The following NDST3 variants were observed in gnomAD, a reference collection of about 807,000 sequenced individuals.
The protein encoded by NDST3 is N-deacetylase and N-sulfotransferase 3.
A neutral mutation model predicts 96.1 loss-of-function variants in NDST3; 58 were observed. The ratio of observed to expected loss-of-function variants is 0.60; its 90% CI spans 0.49 to 0.75. The LOEUF is 0.75. NDST3 is among the 30% of genes least tolerant of loss of function. NDST3 has a pLI of 0.00. For synonymous variants in NDST3, 333 were observed against 359.7 expected, an observed-to-expected ratio of 0.93 and a Z score of 0.84; for missense variants, 788 against 1,034.2, an observed-to-expected ratio of 0.76 and a Z score of 3.27.
chr4:118,041,599 T>G (rs769572090), intron 1 of NDST3, among the ~76,000 whole-genome samples: 10 of 152,240 alleles, frequency 6.6e-5, no homozygotes, highest in Non-Finnish European at 1.3e-4. Flanking sequence ...CTGTCAGTTC[T>G]GTACTGCTGA....
chr4:118,145,736 G>A (rs1284793304), intron 6 of NDST3, among the ~76,000 whole-genome samples: 1 of 152,138 alleles, frequency 6.6e-6, no homozygotes, highest in Non-Finnish European at 1.5e-5. Flanking sequence ...CAGGTTGGGG[G>A]AGCCGCACAA....
chr4:118,101,806 T>C (rs1352597824), intron 2 of NDST3, among the ~76,000 whole-genome samples: 1 of 152,104 alleles, frequency 6.6e-6, no homozygotes, highest in African/African-American at 2.4e-5. Flanking sequence ...AGAGCAGTAT[T>C]TATATTAGTC....
chr4:118,179,872 A>T (rs1196973447), intron 6 of NDST3, among the ~76,000 whole-genome samples: 1 of 152,218 alleles, frequency 6.6e-6, no homozygotes, highest in Non-Finnish European at 1.5e-5. Context: ...TAATCAAAGT[A>T]CTAAATGTAA....
chr4:118,239,822 T>A (rs1740898975), intron 10 of NDST3, among the ~76,000 whole-genome samples: 1 of 152,170 alleles, frequency 6.6e-6, no homozygotes. Context: ...CCACTAAGCC[T>A]GAATATTTAT....
At chr4:118,238,386 T>C (rs1740820595) in intron 10 of NDST3, among the ~76,000 whole-genome samples, 1 of 152,146 alleles carries the variant, frequency 6.6e-6, no homozygotes, top group Non-Finnish European at 1.5e-5. Flanking sequence ...TAATAATATA[T>C]ATGTCAAATA....
intron 6 of NDST3, among the ~76,000 whole-genome samples, chr4:118,162,321 G>A (rs1010208195): frequency 6.6e-6 from 1 of 152,144 alleles, no homozygotes; most frequent in African/African-American, 2.4e-5. Context: ...AACAAAGCTG[G>A]AGGCATCACG....
In NDST3 at chr4:118,053,822, C is replaced by CAG. The variant is rs1287798012; in HGVS notation, c.-85_-84dup. 7.1e-7 allele frequency: 1 copy of CAG among 1,413,494 alleles called. No homozygotes were observed. The highest frequency in any genetic ancestry group is 2.3e-5 in the Admixed American group (1 of 43,780). The allele number at this position is 1,413,494 out of a possible 1,614,324, so 87.6% of individuals were successfully genotyped here. A position where few individuals can be genotyped will look rare whatever the true frequency, so the allele number is the denominator to read the frequency against. On this transcript the variant is annotated 5_prime_UTR_variant, in exon 2 of 14. Coordinates refer to ENST00000296499, the MANE Select transcript of NDST3 (RefSeq NM_004784.3). ...CTGCAATGGTGACATAAACTCTTGA[C>CAG]AGAGATTGGAAAAGTAGCTGGAACA...
At chr4:118,184,400 G>A (rs1288499084) in intron 6 of NDST3, among the ~76,000 whole-genome samples, 1 of 151,972 alleles carries the variant, frequency 6.6e-6, no homozygotes, top group East Asian at 1.9e-4. Context: ...AGCCTTAATA[G>A]AAAAAGACTG....
At chr4:118,210,774 CAAAAA>C (rs34418586) in intron 6 of NDST3, among the ~76,000 whole-genome samples, 1 of 86,594 alleles carries the variant, frequency 1.2e-5, no homozygotes, top group African/African-American at 4.8e-5. Context: ...GACTCCATCT[CAAAAA>C]AAAAAAAAAA....
intron 5 of NDST3, among the ~76,000 whole-genome samples, chr4:118,143,118 C>T (rs1008828931): frequency 4.6e-5 from 7 of 152,110 alleles, no homozygotes; most frequent in African/African-American, 1.4e-4. Context: ...TGATAACTGA[C>T]TTCATTTTCT....
upstream of NDST3, among the ~76,000 whole-genome samples, chr4:118,033,405 G>T (rs1032626764): frequency 6.6e-6 from 1 of 152,088 alleles, no homozygotes; most frequent in African/African-American, 2.4e-5. Flanking sequence ...CCGCCAACCC[G>T]CCGGGAGGGG....
chr4:118,094,294 A>G (rs1729119636), intron 2 of NDST3, among the ~76,000 whole-genome samples: 1 of 151,828 alleles, frequency 6.6e-6, no homozygotes, highest in Non-Finnish European at 1.5e-5. Flanking sequence ...CTTTCCCCCA[A>G]CTTGCATCCA....
intron 3 of NDST3, among the ~76,000 whole-genome samples, chr4:118,109,792 T>A (rs1386550734): frequency 1.3e-5 from 2 of 152,206 alleles, no homozygotes; most frequent in African/African-American, 2.4e-5. Flanking sequence ...TATAAAAAAA[T>A]TCTATCCATT....
At chr4:118,121,396 T>C (rs1200255523) in intron 4 of NDST3, among the ~76,000 whole-genome samples, 1 of 152,202 alleles carries the variant, frequency 6.6e-6, no homozygotes, top group Non-Finnish European at 1.5e-5. Flanking sequence ...TTATATATTT[T>C]AAGTATCTTG....
chr4:118,104,180 C>T (rs1185316727), intron 2 of NDST3, among the ~76,000 whole-genome samples: 2 of 152,170 alleles, frequency 1.3e-5, no homozygotes, highest in African/African-American at 2.4e-5. Context: ...GATCTATATC[C>T]GTAAGCTAGG....
chr4:118,171,042 G>A (rs752028168), intron 6 of NDST3, among the ~76,000 whole-genome samples: 77 of 152,270 alleles, frequency 5.1e-4, no homozygotes, highest in Admixed American at 1.5e-3. Context: ...AAACCCCCAT[G>A]AGTGTGCTTG....
intron 1 of NDST3, among the ~76,000 whole-genome samples, chr4:118,041,536 C>G (rs1017348298): frequency 2.0e-5 from 3 of 152,170 alleles, no homozygotes; most frequent in African/African-American, 7.2e-5. Context: ...GTTTCCTGAT[C>G]AGTCAGCATA....
intron 5 of NDST3, among the ~76,000 whole-genome samples, chr4:118,139,548 A>G (rs1424767817): frequency 6.6e-6 from 1 of 152,186 alleles, no homozygotes; most frequent in Non-Finnish European, 1.5e-5. Flanking sequence ...AGAAGCAAGT[A>G]GAGACCACAG....
intron 6 of NDST3, among the ~76,000 whole-genome samples, chr4:118,153,490 C>G (rs1734533374): frequency 6.6e-6 from 1 of 152,096 alleles, no homozygotes; most frequent in Admixed American, 6.6e-5. Context: ...ATAAAATACG[C>G]TATATAATAA....
Sources: gnomAD v4.1 joint callset for allele counts (sites outside exome capture counted in the v4.1 genomes callset) on GRCh38, gnomAD v4.1.1 for gene constraint, MANE v1.5 for transcripts, NCBI Gene and HGNC (gene_info 2026-07-23, HGNC 2026-07-21) for gene names.